The following TDRP variants were observed in gnomAD, a reference collection of about 807,000 sequenced individuals.
TDRP encodes the protein testis development-related protein.
In TDRP, 12 loss-of-function variants were observed where a neutral mutation model predicts 10.5. That is an observed-to-expected ratio of 1.15 (90% CI 0.73 to 1.86). TDRP has a LOEUF of 1.86. Ranked by LOEUF, TDRP falls within the 40% of genes most tolerant of loss-of-function variation. The probability of loss-of-function intolerance (pLI) is 0.00; values close to 1 mark genes in which losing one functional copy is unlikely to be tolerated. For synonymous variants in TDRP, 139 were observed against 95.4 expected (o/e 1.46, Z -2.67); for missense variants, 353 against 229.2 (o/e 1.54, Z -3.49).
chr8:492,530 AG>A lies in TDRP; in HGVS notation c.426del (p.Ser143ArgfsTer25). 1 of 1,611,134 alleles carries A rather than the reference AG, an allele frequency of 6.2e-7. No individual in the cohort carries two copies. Among genetic ancestry groups the A allele is most frequent in the Non-Finnish European group, 8.5e-7 (1 of 1,178,488 alleles). On this transcript the variant is annotated frameshift_variant, in exon 3 of 3. Transcript: ENST00000324079. LOFTEE classifies it low-confidence loss of function (END_TRUNC). The part of the protein sequence containing the change: ...SWSGWEDDAK[G>X]STKYTSLASS... Reference sequence around the variant, plus strand: ...CTGGCCAGGCTGGTGTACTTGGTCGAGCCCTTGGCGTCATCCTCCCAGCCTG... The same window carrying A: ...CTGGCCAGGCTGGTGTACTTGGTCGACCCTTGGCGTCATCCTCCCAGCCTG...
At chr8:536,573 C>G (rs1001908814) in intron 1 of TDRP, among the ~76,000 whole-genome samples, 9 of 152,024 alleles carry the variant, frequency 5.9e-5, no homozygotes, top group Non-Finnish European at 1.2e-4. Flanking sequence ...ATATTAATAT[C>G]TTGTGCTGGT....
chr8:496,414 T>C (rs1220839876), intron 1 of TDRP, among the ~76,000 whole-genome samples: 1 of 152,202 alleles, frequency 6.6e-6, no homozygotes, highest in East Asian at 1.9e-4. Flanking sequence ...CACTGTGCAA[T>C]GCAATCTCCA....
chr8:536,846 T>C (rs923721884), intron 1 of TDRP, among the ~76,000 whole-genome samples: 3 of 152,028 alleles, frequency 2.0e-5, no homozygotes, highest in African/African-American at 7.2e-5. Context: ...GCGCCCAGGA[T>C]CCTCCTTCCC....
intron 1 of TDRP, among the ~76,000 whole-genome samples, chr8:527,724 C>G (rs118001553): frequency 6.6e-6 from 1 of 152,116 alleles, no homozygotes; most frequent in East Asian, 1.9e-4. Flanking sequence ...TGAAACTAGA[C>G]TCCTATTTCT....
intron 1 of TDRP, among the ~76,000 whole-genome samples, chr8:500,980 G>C (rs1801276395): frequency 6.6e-6 from 1 of 152,172 alleles, no homozygotes; most frequent in Non-Finnish European, 1.5e-5. Flanking sequence ...GCCAAGGTGG[G>C]TGGATCACAA....
At chr8:504,477 G>C (rs2116752621) in intron 1 of TDRP, among the ~76,000 whole-genome samples, 1 of 152,288 alleles carries the variant, frequency 6.6e-6, no homozygotes, top group African/African-American at 2.4e-5. Context: ...CACTCACCAA[G>C]TGAAACGAGA....
intron 1 of TDRP, among the ~76,000 whole-genome samples, chr8:520,905 G>C (rs1233444713): frequency 1.3e-5 from 2 of 151,942 alleles, no homozygotes; most frequent in African/African-American, 4.8e-5. Context: ...TTACTTTCTT[G>C]TTTCCTTTGT....
At chr8:542,191 T>C (rs771426791) in intron 1 of TDRP, among the ~76,000 whole-genome samples, 22 of 152,066 alleles carry the variant, frequency 1.4e-4, no homozygotes, top group Admixed American at 4.6e-4. Flanking sequence ...TGCAACCAAA[T>C]GACATTCTGG....
chr8:532,588 A>G (rs1802236641), intron 1 of TDRP, among the ~76,000 whole-genome samples: 2 of 152,366 alleles, frequency 1.3e-5, no homozygotes, highest in South Asian at 2.1e-4. Context: ...TTAAAACTAT[A>G]CAAATGCACA....
intron 1 of TDRP, among the ~76,000 whole-genome samples, chr8:544,069 C>A (rs760530448): frequency 6.6e-6 from 1 of 152,182 alleles, no homozygotes; most frequent in Non-Finnish European, 1.5e-5. Context: ...GTACAAAGGA[C>A]TTCTGCCGGC....
intron 1 of TDRP, among the ~76,000 whole-genome samples, chr8:511,860 A>G (rs1801628316): frequency 6.6e-6 from 1 of 152,222 alleles, no homozygotes; most frequent in African/African-American, 2.4e-5. Context: ...ATCAGAAAAT[A>G]CTTGTAAACA....
At position 521,962 on chromosome 8, in the gene TDRP, G is replaced by GC. The variant is rs143463094; in HGVS notation, c.108+22687_108+22688insG. Among the ~76,000 whole-genome samples the GC allele has an allele frequency of 5.7e-3, 864 of 151,774 alleles. 49 individuals carry two copies. In the East Asian group the frequency reaches 0.15, roughly 27 times the overall value. ...ATTATTTCTAAGTACCTTTTTTCTT[G>GC]ATGCTATTATAAGTGTTTTATTAAT... On this transcript the variant is annotated intron_variant, in intron 1 of 2. Coordinates refer to ENST00000324079, the MANE Select transcript of TDRP (RefSeq NM_001384899.1).
intron 1 of TDRP, among the ~76,000 whole-genome samples, chr8:497,323 A>G (rs1801162951): frequency 6.6e-6 from 1 of 152,214 alleles, no homozygotes; most frequent in Admixed American, 6.5e-5. Flanking sequence ...CGGAAACTGG[A>G]GTAAAGGTCC....
At chr8:530,670 G>T (rs1430499233) in intron 1 of TDRP, among the ~76,000 whole-genome samples, 1 of 152,150 alleles carries the variant, frequency 6.6e-6, no homozygotes, top group Non-Finnish European at 1.5e-5. Flanking sequence ...CTGTGGCACT[G>T]CAAGTTGTCT....
At chr8:505,377 T>G (rs2335774) in intron 1 of TDRP, among the ~76,000 whole-genome samples, 4 of 151,766 alleles carry the variant, frequency 2.6e-5, no homozygotes, top group African/African-American at 9.7e-5. Context: ...AGGATCCTGT[T>G]AAAGGGTAAA....
intron 1 of TDRP, among the ~76,000 whole-genome samples, chr8:543,768 G>C (rs1297528161): frequency 1.3e-5 from 2 of 152,056 alleles, no homozygotes; most frequent in African/African-American, 4.8e-5. Flanking sequence ...CCAAGTCCTC[G>C]GAAGACAGGT....
chr8:506,732 G>C (rs545786657), intron 1 of TDRP, among the ~76,000 whole-genome samples: 4 of 152,338 alleles, frequency 2.6e-5, no homozygotes, highest in African/African-American at 9.6e-5. Context: ...TCTTGGCTGA[G>C]AGATGTCCCT....
chr8:534,473 T>C (rs547421496), intron 1 of TDRP, among the ~76,000 whole-genome samples: 1 of 152,304 alleles, frequency 6.6e-6, no homozygotes, highest in East Asian at 1.9e-4. Flanking sequence ...CCACCAGCCC[T>C]GTAACTCATG....
chr8:501,209 AAAAC>A (rs530154679), intron 1 of TDRP, among the ~76,000 whole-genome samples: 179 of 152,156 alleles, frequency 1.2e-3, no homozygotes, highest in African/African-American at 3.5e-3. Flanking sequence ...CCATCTCAAA[AAAAC>A]AAACAAACAA....
Sources: gnomAD v4.1 joint callset for allele counts (sites outside exome capture counted in the v4.1 genomes callset) on GRCh38, gnomAD v4.1.1 for gene constraint, MANE v1.5 for transcripts, NCBI Gene and HGNC (gene_info 2026-07-23, HGNC 2026-07-21) for gene names.